Variants in POLR2B observed in about 807,000 individuals in gnomAD.
POLR2B encodes the protein DNA-directed RNA polymerase II subunit RPB2.
In POLR2B, 57 loss-of-function variants were observed where a neutral mutation model predicts 144.6. The ratio of observed to expected loss-of-function variants is 0.39; its 90% CI spans 0.32 to 0.49. The LOEUF (loss-of-function observed/expected upper bound fraction) is 0.49, where lower values mean the gene tolerates loss of function less well. Among genes scored for constraint, POLR2B ranks in the 20% least tolerant of loss-of-function variants. The probability of loss-of-function intolerance (pLI) is 0.83; values close to 1 mark genes in which losing one functional copy is unlikely to be tolerated. For synonymous variants in POLR2B, 442 were observed against 469.8 expected (o/e 0.94, Z 0.77); for missense variants, 595 against 1,467.4 (o/e 0.41, Z 9.71).
intron 2 of POLR2B, among the ~76,000 whole-genome samples, chr4:56,988,224 C>A (rs1722391137): frequency 2.0e-5 from 3 of 151,950 alleles, no homozygotes; most frequent in South Asian, 2.1e-4. Flanking sequence ...TAGCAAGAAG[C>A]CCCTGAAACA....
chr4:56,992,621 G>A (rs1356784670), intron 3 of POLR2B, among the ~76,000 whole-genome samples: 3 of 146,150 alleles, frequency 2.1e-5, no homozygotes, highest in Non-Finnish European at 4.5e-5. Flanking sequence ...ATGCAGTGGC[G>A]CGATCTCGGC....
intron 13 of POLR2B, among the ~76,000 whole-genome samples, chr4:57,011,913 CAAATT>C (rs762597129): frequency 2.0e-5 from 3 of 152,114 alleles, no homozygotes; most frequent in Non-Finnish European, 4.4e-5. Flanking sequence ...TTTTAGAACT[CAAATT>C]ACATTTTAAA....
intron 16 of POLR2B, among the ~76,000 whole-genome samples, 179 bp from the exon 17 acceptor site, chr4:57,020,720 C>T (rs758164678): frequency 4.6e-5 from 7 of 152,046 alleles, no homozygotes; most frequent in Non-Finnish European, 1.0e-4. Flanking sequence ...GATATTTAGC[C>T]ATCAGAGTAG....
intron 16 of POLR2B, among the ~76,000 whole-genome samples, chr4:57,019,834 G>A (rs1723485145): frequency 6.7e-6 from 1 of 149,082 alleles, no homozygotes; most frequent in Non-Finnish European, 1.5e-5. Flanking sequence ...AATGGGTCTA[G>A]GAGCTAATCC....
intron 7 of POLR2B, among the ~76,000 whole-genome samples, chr4:57,004,892 C>T (rs1326653812): frequency 6.6e-6 from 1 of 152,112 alleles, no homozygotes; most frequent in Non-Finnish European, 1.5e-5. Context: ...GCCATGTTGC[C>T]TAGACTAGTT....
Position 57,018,524 on chromosome 4 carries a change from A to G in POLR2B, c.2323+796A>G, listed in dbSNP as rs187846978. Among the ~76,000 whole-genome samples, 21 of 152,220 alleles carry G rather than the reference A, an allele frequency of 1.4e-4. 1 individual carries two copies. Among genetic ancestry groups the G allele is most frequent in the Admixed American group, 9.8e-4 (15 of 15,272 alleles). ...GGTGCTTTGAATAGGTTGGGGGAAA[A>G]ATAAGATTGGGAACATGTTAGAAGG... On this transcript the variant is annotated intron_variant, in intron 16 of 24. Coordinates refer to ENST00000314595, the MANE Select transcript of POLR2B (RefSeq NM_000938.3).
chr4:56,991,921 G>A lies in POLR2B; in HGVS notation c.243+1023G>A, dbSNP rs150674978. ...GATCCACCTGCTTCAGCCTCCCAGA[G>A]TGCTGAGATTATAGGCATGAGCCAC... is the stretch of plus-strand genomic sequence containing the variant. On this transcript the variant is annotated intron_variant, in intron 3 of 24. Transcript: ENST00000314595. Among the ~76,000 whole-genome samples the A allele has an allele frequency of 2.1e-3, 320 of 152,242 alleles. 4 individuals carry two copies. Among genetic ancestry groups the A allele is most frequent in the African/African-American group, 7.3e-3 (303 of 41,556 alleles).
chr4:57,010,585 T>G, intron 11 of POLR2B, 81 bp downstream of exon 11: 1 of 1,452,986 alleles, frequency 6.9e-7, no homozygotes, highest in Non-Finnish European at 9.4e-7. Flanking sequence ...AAATAGATGT[T>G]TGAAAAATTA....
chr4:57,025,963 G>A (rs186196786), intron 23 of POLR2B, among the ~76,000 whole-genome samples: 28 of 151,690 alleles, frequency 1.8e-4, no homozygotes, highest in Admixed American at 5.3e-4. Context: ...GAGGCTAGGC[G>A]CAATGGCTCA....
chr4:57,012,278 G>A (rs1210341810), intron 13 of POLR2B, among the ~76,000 whole-genome samples: 3 of 152,084 alleles, frequency 2.0e-5, no homozygotes, highest in African/African-American at 7.2e-5. Flanking sequence ...GGTAGCATGT[G>A]CCTGTAGTCC....
chr4:56,982,661 C>T (rs1403857936), intron 1 of POLR2B, among the ~76,000 whole-genome samples: 2 of 151,790 alleles, frequency 1.3e-5, no homozygotes, highest in Non-Finnish European at 2.9e-5. Flanking sequence ...ATAAACATTA[C>T]AAGTAAATAA....
chr4:57,023,637 C>G lies in POLR2B; in HGVS notation c.2767-25C>G. The G allele has an allele frequency of 2.5e-6, 4 of 1,610,522 alleles. No individual in the cohort carries two copies. Among genetic ancestry groups the G allele is most frequent in the Non-Finnish European group, 3.4e-6 (4 of 1,177,628 alleles). On this transcript the variant is annotated intron_variant, in intron 19 of 24. Coordinates refer to ENST00000314595, the MANE Select transcript of POLR2B (RefSeq NM_000938.3). The surrounding 1 kb of genome is among the most constrained non-coding windows in gnomAD (Gnocchi z 4.3). The stretch of plus-strand genomic sequence containing the variant: ...TAGAAAGTAAACCAAATCCACTTAA[C>G]TAACTTATTTTTATATGAATTTAGG...
intron 3 of POLR2B, among the ~76,000 whole-genome samples, chr4:56,992,492 A>G (rs112680507): frequency 0.015 from 1,290 of 88,408 alleles, 198 homozygotes; most frequent in South Asian, 0.041. Context: ...AAAAAAAAAA[A>G]GAAAAGAAAA....
chr4:56,979,098 C>G, intron 1 of POLR2B, 94 bp downstream of exon 1: 1 of 1,301,738 alleles, frequency 7.7e-7, no homozygotes, highest in Non-Finnish European at 1.1e-6. Context: ...CCTTCCCATG[C>G]GCCGGCTGCA....
At chr4:56,995,485 G>A in intron 6 of POLR2B, 76 bp downstream of exon 6, 2 of 1,047,484 alleles carry the variant, frequency 1.9e-6, no homozygotes, top group Non-Finnish European at 2.8e-6. Context: ...TGCCTTCTTT[G>A]TCCATAGAAG....
intron 1 of POLR2B, among the ~76,000 whole-genome samples, chr4:56,981,122 T>C (rs1722144587): frequency 6.6e-6 from 1 of 152,170 alleles, no homozygotes; most frequent in African/African-American, 2.4e-5. Context: ...TCCTTATGCA[T>C]ATTTAAGCAA....
intron 21 of POLR2B, 51 bp from the exon 22 acceptor site, chr4:57,024,835 G>T: frequency 1.1e-6 from 1 of 886,690 alleles, no homozygotes; most frequent in Non-Finnish European, 1.8e-6. Flanking sequence ...ATGACTTTTA[G>T]GGGGAGACAG....
At chr4:57,003,941 A>G (rs1321795757) in intron 7 of POLR2B, among the ~76,000 whole-genome samples, 1 of 151,600 alleles carries the variant, frequency 6.6e-6, no homozygotes, top group Non-Finnish European at 1.5e-5. Flanking sequence ...AGCCAGGGCG[A>G]CAGAGTGAGA....
intron 6 of POLR2B, among the ~76,000 whole-genome samples, chr4:56,995,672 G>A (rs1722655879): frequency 6.6e-6 from 1 of 152,164 alleles, no homozygotes; most frequent in Non-Finnish European, 1.5e-5. Context: ...ATGTTTCCCT[G>A]GGCTGCCGTA....
Sources: gnomAD v4.1 joint callset for allele counts (sites outside exome capture counted in the v4.1 genomes callset) on GRCh38, gnomAD v4.1.1 for gene constraint, Gnocchi (gnomAD v3.1) non-coding constraint, MANE v1.5 for transcripts, NCBI Gene and HGNC (gene_info 2026-07-23, HGNC 2026-07-21) for gene names.